The following NLGN1 variants were observed in gnomAD, a reference collection of about 807,000 sequenced individuals.
NLGN1 encodes the protein neuroligin 1.
NLGN1 carries 12 observed loss-of-function variants against 65.5 expected under a neutral mutation model. That is an observed-to-expected ratio of 0.18 (90% confidence interval 0.12 to 0.30). The LOEUF (loss-of-function observed/expected upper bound fraction) is 0.30, where lower values mean the gene tolerates loss of function less well. NLGN1 is among the 10% of genes least tolerant of loss of function. NLGN1 has a pLI of 1.00. For missense variants in NLGN1, 750 were observed against 1,007.1 expected (o/e 0.74, Z 3.46); for synonymous variants, 350 against 359.5 (o/e 0.97, Z 0.30).
intron 4 of NLGN1, among the ~76,000 whole-genome samples, chr3:173,831,482 T>A (rs1722549082): frequency 6.6e-6 from 1 of 152,208 alleles, no homozygotes; most frequent in Admixed American, 6.5e-5. Context: ...AGTGGCAAGA[T>A]GACAAACACT....
chr3:173,420,815 A>G (rs1714900040), intron 1 of NLGN1, among the ~76,000 whole-genome samples: 1 of 152,224 alleles, frequency 6.6e-6, no homozygotes, highest in Non-Finnish European at 1.5e-5. Context: ...CTATCTTTCC[A>G]CACTAATTTG....
intron 4 of NLGN1, among the ~76,000 whole-genome samples, chr3:173,942,244 A>T (rs1403378008): frequency 6.6e-6 from 1 of 151,938 alleles, no homozygotes; most frequent in African/African-American, 2.4e-5. Context: ...TGGGCATCTT[A>T]TAATAATTGC....
chr3:173,830,408 A>G (rs938164194), intron 4 of NLGN1, among the ~76,000 whole-genome samples: 2 of 152,202 alleles, frequency 1.3e-5, no homozygotes, highest in Admixed American at 1.3e-4. Context: ...AACAGCATCC[A>G]CTGCAGTGCA....
rs553538510 is a variant in NLGN1, at chr3:173,725,212, C to T, written c.494-82468C>T. Among the ~76,000 whole-genome samples, 8 of 152,054 alleles carry T rather than the reference C, an allele frequency of 5.3e-5. No individual in the cohort carries two copies. In the South Asian group the frequency reaches 1.0e-3, roughly 20 times the overall value. ...AGAAAAAAATAATATTTTATATCAC[C>T]ATATCACTAGGTAGCATACAAACAT... On this transcript the variant is annotated intron_variant, in intron 3 of 6. Transcript: ENST00000457714.
chr3:173,773,573 A>G (rs1200739839), intron 3 of NLGN1, among the ~76,000 whole-genome samples: 2 of 152,182 alleles, frequency 1.3e-5, no homozygotes, highest in South Asian at 2.1e-4. Context: ...TGTTTGTTAT[A>G]TATTTTGGGC....
intron 4 of NLGN1, among the ~76,000 whole-genome samples, chr3:173,825,677 AT>A (rs754921185): frequency 3.9e-5 from 6 of 152,102 alleles, no homozygotes; most frequent in Non-Finnish European, 8.8e-5. Context: ...ACTAATGAGA[AT>A]TACATCTGAA....
chr3:173,462,185 AAAT>A (rs1723521749), intron 2 of NLGN1, among the ~76,000 whole-genome samples: 1 of 152,202 alleles, frequency 6.6e-6, no homozygotes, highest in Non-Finnish European at 1.5e-5. Flanking sequence ...AATTGATAGC[AAAT>A]AGTTGGCTCA....
chr3:173,583,641 C>T (rs1479471209), intron 2 of NLGN1, among the ~76,000 whole-genome samples: 2 of 152,152 alleles, frequency 1.3e-5, no homozygotes, highest in Admixed American at 6.5e-5. Flanking sequence ...GTGATTAGAG[C>T]GCTTGGGAAA....
chr3:173,744,892 C>T (rs1022626756), intron 3 of NLGN1, among the ~76,000 whole-genome samples: 17 of 151,912 alleles, frequency 1.1e-4, no homozygotes, highest in African/African-American at 2.7e-4. Flanking sequence ...ATTCTGCTAC[C>T]GTGTATACCA....
chr3:173,539,861 T>A (rs1738496104), intron 2 of NLGN1, among the ~76,000 whole-genome samples: 1 of 123,348 alleles, frequency 8.1e-6, no homozygotes, highest in Non-Finnish European at 1.7e-5. Flanking sequence ...ATGTTATGTA[T>A]GTGTTATATA....
intron 4 of NLGN1, among the ~76,000 whole-genome samples, chr3:174,266,030 G>C (rs1189566288): frequency 1.6e-5 from 2 of 126,710 alleles, no homozygotes; most frequent in African/African-American, 6.3e-5. Flanking sequence ...ATGTGTGTGT[G>C]TGTATATATA....
At chr3:173,787,348 A>T (rs751336020) in intron 3 of NLGN1, among the ~76,000 whole-genome samples, 3 of 152,224 alleles carry the variant, frequency 2.0e-5, no homozygotes, top group Non-Finnish European at 4.4e-5. Flanking sequence ...GTTTATCTAA[A>T]TGTGAAATAT....
At chr3:173,793,384 A>G (rs759693656) in intron 3 of NLGN1, among the ~76,000 whole-genome samples, 4 of 152,096 alleles carry the variant, frequency 2.6e-5, no homozygotes, top group Admixed American at 2.6e-4. Context: ...TTTAGAGTTT[A>G]GAGACAGAGG....
At position 173,797,524 on chromosome 3, in the gene NLGN1, C is replaced by G. The variant is rs1191483230; in HGVS notation, c.494-10156C>G. On this transcript the variant is annotated intron_variant, in intron 3 of 6. Transcript: ENST00000457714. ...TAATCATATCCCCATGATGCTGAAGCAATATTTGTATTTGCTTCTAATTCT... is the reference window on the plus strand; with the variant it reads ...TAATCATATCCCCATGATGCTGAAGGAATATTTGTATTTGCTTCTAATTCT... Among the ~76,000 whole-genome samples the G allele has an allele frequency of 2.6e-5, 4 of 151,962 alleles. No individual in the cohort carries two copies. In the East Asian group the frequency reaches 7.7e-4, roughly 29 times the overall value.
intron 4 of NLGN1, among the ~76,000 whole-genome samples, chr3:173,929,494 C>T (rs544541690): frequency 6.7e-6 from 1 of 150,224 alleles, no homozygotes. Flanking sequence ...TTGGAGTTAC[C>T]TTTTGCTGAG....
chr3:174,029,380 T>G (rs1729477136), intron 4 of NLGN1, among the ~76,000 whole-genome samples: 1 of 152,226 alleles, frequency 6.6e-6, no homozygotes, highest in Admixed American at 6.5e-5. Flanking sequence ...CCCTATTGGA[T>G]TTTGGACTTG....
intron 4 of NLGN1, among the ~76,000 whole-genome samples, chr3:173,901,590 A>G (rs1305101287): frequency 6.6e-6 from 1 of 152,064 alleles, no homozygotes; most frequent in Admixed American, 6.6e-5. Flanking sequence ...CTAAGATTGC[A>G]TACAAAATGA....
intron 2 of NLGN1, among the ~76,000 whole-genome samples, chr3:173,465,500 T>A (rs532553292): frequency 2.0e-5 from 3 of 152,296 alleles, no homozygotes; most frequent in Admixed American, 6.5e-5. Context: ...AAATAATAAA[T>A]TTGGTTTTAG....
rs545019932 is a variant in NLGN1 at position 173,886,266 on chromosome 3, A to G, written c.646+78434A>G. ...AAAAACAATGAAAGTAAGTACTTCA[A>G]AATTATAAGGTGATTTGCATTATGA... On this transcript the variant is annotated intron_variant, in intron 4 of 6. Transcript: ENST00000457714. Among the ~76,000 whole-genome samples the G allele has an allele frequency of 5.3e-5, 8 of 152,216 alleles. No homozygotes were observed. The South Asian group carries it at 1.7e-3, about 32-fold the overall frequency.
Sources: gnomAD v4.1 joint callset for allele counts (sites outside exome capture counted in the v4.1 genomes callset) on GRCh38, gnomAD v4.1.1 for gene constraint, MANE v1.5 for transcripts, NCBI Gene and HGNC (gene_info 2026-07-23, HGNC 2026-07-21) for gene names.